The following AOPEP variants were observed in gnomAD, a reference collection of about 807,000 sequenced individuals.
The protein encoded by AOPEP is aminopeptidase O.
AOPEP carries 77 observed loss-of-function variants against 98.1 expected under a neutral mutation model. That is an observed-to-expected ratio of 0.78 (90% confidence interval 0.65 to 0.95). AOPEP has a LOEUF of 0.95. AOPEP is among the 40% of genes least tolerant of loss of function. The pLI, the probability that AOPEP is intolerant of heterozygous loss-of-function variation, is 0.00. For missense variants in AOPEP, 1,024 were observed against 1,024.7 expected, an observed-to-expected ratio of 1.00 and a Z score of 0.01; for synonymous variants, 346 against 365.3, an observed-to-expected ratio of 0.95 and a Z score of 0.60.
intron 5 of AOPEP, 74 bp downstream of exon 5, chr9:94,801,076 G>T: frequency 6.5e-7 from 1 of 1,536,626 alleles, no homozygotes; most frequent in Non-Finnish European, 9.0e-7. Context: ...CTTTCCTTGA[G>T]CTCTGTCAGA....
intron 5 of AOPEP, among the ~76,000 whole-genome samples, chr9:94,914,737 C>T (rs1026560832): frequency 3.9e-5 from 6 of 152,110 alleles, no homozygotes; most frequent in Admixed American, 2.6e-4. Context: ...CACCACAGTG[C>T]AGATCAGCAG....
At chr9:94,888,475 T>C (rs1468446054) in intron 5 of AOPEP, among the ~76,000 whole-genome samples, 3 of 152,336 alleles carry the variant, frequency 2.0e-5, no homozygotes, top group East Asian at 1.9e-4. Flanking sequence ...CAAATTCACA[T>C]TGGTGTAATC....
At chr9:95,117,267 T>C in the AOPEP span, 1 of 1,542,800 alleles carries the variant, frequency 6.5e-7, no homozygotes, top group Non-Finnish European at 9.0e-7. Flanking sequence ...TTGACAATGC[T>C]CTTCCCAGGA....
At chr9:94,785,288 G>A (rs1844176334) in intron 3 of AOPEP, among the ~76,000 whole-genome samples, 1 of 152,238 alleles carries the variant, frequency 6.6e-6, no homozygotes, top group African/African-American at 2.4e-5. Context: ...TCCATTTCAA[G>A]TTCTGTTATA....
intron 5 of AOPEP, among the ~76,000 whole-genome samples, chr9:94,829,220 G>GCA (rs1251321888): frequency 6.6e-6 from 1 of 150,846 alleles, no homozygotes; most frequent in African/African-American, 2.4e-5. Flanking sequence ...ACACGCACAC[G>GCA]CACACACACA....
intron 5 of AOPEP, among the ~76,000 whole-genome samples, chr9:94,913,155 A>T (rs528403561): frequency 6.6e-6 from 1 of 152,226 alleles, no homozygotes; most frequent in Non-Finnish European, 1.5e-5. Context: ...GCAAAGAATG[A>T]TGAGTCAAGG....
chr9:94,772,960 TTA>T (rs1249857296), intron 2 of AOPEP, 40 bp from the exon 3 acceptor site: 4 of 1,536,826 alleles, frequency 2.6e-6, no homozygotes, highest in Non-Finnish European at 3.5e-6. Flanking sequence ...ACAACTCATT[TTA>T]AAGATTCACC....
At chr9:95,134,781 T>C in the AOPEP span, among the ~76,000 whole-genome samples, 1 of 152,200 alleles carries the variant, frequency 6.6e-6, no homozygotes, top group Non-Finnish European at 1.5e-5. Flanking sequence ...GAGGTGGATG[T>C]CCACGTGGGC....
At chr9:95,029,377 G>A (rs2064108550) in intron 13 of AOPEP, among the ~76,000 whole-genome samples, 3 of 152,096 alleles carry the variant, frequency 2.0e-5, no homozygotes, top group Admixed American at 1.3e-4. Context: ...TGTTACTGAT[G>A]AGCCATGCCC....
At chr9:95,054,266 A>C (rs951528842) in intron 13 of AOPEP, among the ~76,000 whole-genome samples, 1 of 152,136 alleles carries the variant, frequency 6.6e-6, no homozygotes, top group Non-Finnish European at 1.5e-5. Context: ...GCCCCTTGTA[A>C]TTGGTCTGGC....
At chr9:94,933,546 G>C (rs1014780387) in intron 7 of AOPEP, 18 of 985,110 alleles carry the variant, frequency 1.8e-5, no homozygotes, top group African/African-American at 7.0e-5. Flanking sequence ...AGATAAATGC[G>C]AGCATCTTTC....
intron 5 of AOPEP, among the ~76,000 whole-genome samples, chr9:94,820,891 T>A (rs1852935831): frequency 6.6e-6 from 1 of 152,228 alleles, no homozygotes. Context: ...TAATGTGTCT[T>A]GGTGAAGATC....
intron 5 of AOPEP, among the ~76,000 whole-genome samples, chr9:94,843,649 T>G (rs1369212055): frequency 6.6e-6 from 1 of 152,192 alleles, no homozygotes; most frequent in East Asian, 1.9e-4. Context: ...TGAAACCAAG[T>G]TTTTAGTGGA....
the AOPEP span, among the ~76,000 whole-genome samples, chr9:95,095,916 A>T: frequency 6.6e-6 from 1 of 152,226 alleles, no homozygotes; most frequent in Non-Finnish European, 1.5e-5. Context: ...AGGAACAAAG[A>T]AGTTCTAAAT....
At chr9:95,117,500 TGG>T in the AOPEP span, 3 of 774,212 alleles carry the variant, frequency 3.9e-6, no homozygotes, top group Non-Finnish European at 6.8e-6. Flanking sequence ...AGTACTAACA[TGG>T]TCAGAACACT....
At chr9:95,103,845 G>A in the AOPEP span, among the ~76,000 whole-genome samples, 1 of 152,214 alleles carries the variant, frequency 6.6e-6, no homozygotes, top group African/African-American at 2.4e-5. Flanking sequence ...GCGTCCTTTA[G>A]GTCAGATGGA....
At chr9:94,805,370 A>C (rs577330070) in intron 5 of AOPEP, among the ~76,000 whole-genome samples, 2 of 152,276 alleles carry the variant, frequency 1.3e-5, no homozygotes, top group East Asian at 3.9e-4. Context: ...TTCCCCTGGC[A>C]GCTGTTGATT....
At chr9:94,887,168 C>G (rs1017026587) in intron 5 of AOPEP, among the ~76,000 whole-genome samples, 2 of 143,548 alleles carry the variant, frequency 1.4e-5, no homozygotes, top group East Asian at 2.1e-4. Flanking sequence ...AAGTGAGACC[C>G]CCCCCGTCTC....
In AOPEP at chr9:94,787,013, C is replaced by T. The variant is rs144152568; in HGVS notation, c.965-5752C>T. On this transcript the variant is annotated intron_variant, in intron 3 of 16. Transcript: ENST00000375315. ...CTAAGAAAATAAAAAAAAACTTGCG[C>T]GCTGTATAGGAGGAAATCATCTTGA... Among the ~76,000 whole-genome samples, 213 of 152,174 alleles carry T rather than the reference C, an allele frequency of 1.4e-3. 1 individual carries two copies. The highest frequency in any genetic ancestry group is 4.5e-3 in the African/African-American group (188 of 41,504).
Sources: gnomAD v4.1 joint callset for allele counts (sites outside exome capture counted in the v4.1 genomes callset) on GRCh38, gnomAD v4.1.1 for gene constraint, MANE v1.5 for transcripts, NCBI Gene and HGNC (gene_info 2026-07-23, HGNC 2026-07-21) for gene names.